The following DHX35 variants were observed in gnomAD, a reference collection of about 807,000 sequenced individuals.
DHX35 encodes the protein probable ATP-dependent RNA helicase DHX35.
A neutral mutation model predicts 99.6 loss-of-function variants in DHX35; 84 were observed. The ratio of observed to expected loss-of-function variants is 0.84; its 90% CI spans 0.71 to 1.01. The LOEUF (loss-of-function observed/expected upper bound fraction) is 1.01, where lower values mean the gene tolerates loss of function less well. Ranked by LOEUF, DHX35 falls within the 50% of genes least tolerant of loss-of-function variation. DHX35 has a pLI of 0.00. For missense variants in DHX35, 852 were observed against 888.5 expected (o/e 0.96, Z 0.52); for synonymous variants, 331 against 316.2 (o/e 1.05, Z -0.50).
Position 39,001,745 on chromosome 20 carries a change from T to C in DHX35, c.658T>C (p.Phe220Leu). 2 of 1,608,820 alleles carry C rather than the reference T, an allele frequency of 1.2e-6. No individual in the cohort carries two copies. The highest frequency in any genetic ancestry group is 2.2e-5 in the East Asian group (1 of 44,858). The change falls in exon 9 of 22, where the codon TTT becomes CTT. Residue 220 changes from phenylalanine (F) to leucine (L), a missense_variant. Transcript: ENST00000252011. ...TLDADKFRDF[F>L]NQNETSDPAR... ...TTCTTTTTAGAAATTCCGGGATTTC[T>C]TTAATCAAAATGAAACCAGTGATCC...
At position 39,003,842 on chromosome 20, in the gene DHX35, T is replaced by C. The variant is rs1284119830; in HGVS notation, c.946T>C (p.Tyr316His). The change falls in exon 11 of 22, where the codon TAT becomes CAT. Residue 316 changes from tyrosine (Y) to histidine (H), a missense_variant. Coordinates refer to ENST00000252011, the MANE Select transcript of DHX35 (RefSeq NM_021931.4). ...GAGACACCTCCGAGTTCTCCCCATG[T>C]ATGCAGGACTGCCTTCCTTTGAGCA... The part of the protein sequence containing the change: ...MKRHLRVLPM[Y>H]AGLPSFEQMK... 2 of 1,614,238 alleles carry C rather than the reference T, an allele frequency of 1.2e-6. No homozygotes were observed. Among genetic ancestry groups the C allele is most frequent in the Non-Finnish European group, 1.7e-6 (2 of 1,180,052 alleles).
intron 6 of DHX35, 51 bp from the exon 7 acceptor site, chr20:38,992,305 T>C: frequency 7.3e-6 from 11 of 1,497,784 alleles, no homozygotes; most frequent in Non-Finnish European, 1.0e-5. Flanking sequence ...CTAGATGAGA[T>C]GATGTGTGGC....
At chr20:38,983,478 T>A (rs1377417740) in intron 3 of DHX35, among the ~76,000 whole-genome samples, 1 of 152,234 alleles carries the variant, frequency 6.6e-6, no homozygotes, top group Non-Finnish European at 1.5e-5. Flanking sequence ...AATTGCGCCT[T>A]AGTTCTTCTG....
At chr20:38,974,486 A>G (rs1318634524) in intron 3 of DHX35, among the ~76,000 whole-genome samples, 1 of 152,244 alleles carries the variant, frequency 6.6e-6, no homozygotes, top group Non-Finnish European at 1.5e-5. Context: ...GAACAGTGCT[A>G]GTATTAAATG....
chr20:39,032,647 T>C (rs1177324417), intron 20 of DHX35, among the ~76,000 whole-genome samples: 1 of 152,304 alleles, frequency 6.6e-6, no homozygotes, highest in East Asian at 1.9e-4. Context: ...GCTTTCAAAA[T>C]GTGGTCTCCA....
chr20:39,025,355 T>C lies in DHX35; in HGVS notation c.1797T>C (p.Ser599=). 1 of 1,613,334 alleles carries C rather than the reference T, an allele frequency of 6.2e-7. No individual in the cohort carries two copies. Among genetic ancestry groups the C allele is most frequent in the Admixed American group, 1.7e-5 (1 of 59,934 alleles). The change falls in exon 18 of 22, where the codon AGT becomes AGC. Residue 599 remains serine (S), a synonymous_variant. Transcript: ENST00000252011. ...AGTTTCAAGTGCCCAGGAAGTCTAG[T>C]GAAGGTGAGAAGAAACCGTCCCAGC... ...LVKFQVPRKS[S]EGDPDLVLRC...
chr20:39,008,554 G>A (rs982250163), intron 12 of DHX35, among the ~76,000 whole-genome samples: 1 of 152,200 alleles, frequency 6.6e-6, no homozygotes, highest in Admixed American at 6.5e-5. Context: ...TGGAAGTGGG[G>A]TTGGGGAGGG....
intron 3 of DHX35, among the ~76,000 whole-genome samples, chr20:38,977,134 G>T (rs984491958): frequency 6.6e-6 from 1 of 152,128 alleles, no homozygotes; most frequent in African/African-American, 2.4e-5. Flanking sequence ...TGCATCATAT[G>T]GTAGTTCTGT....
intron 1 of DHX35, among the ~76,000 whole-genome samples, chr20:38,963,703 A>G (rs962295357): frequency 1.3e-5 from 2 of 152,230 alleles, no homozygotes; most frequent in Non-Finnish European, 2.9e-5. Context: ...TAAGAGTTCT[A>G]TTTCATTATT....
chr20:38,994,728 A>G (rs2086399579), intron 7 of DHX35, 93 bp from the exon 8 acceptor site: 1 of 1,023,592 alleles, frequency 9.8e-7, no homozygotes, highest in Non-Finnish European at 1.4e-6. Flanking sequence ...AAAAAAAAAG[A>G]CACTGAATTT....
chr20:39,011,490 C>G (rs1409819620), intron 13 of DHX35, among the ~76,000 whole-genome samples: 1 of 152,116 alleles, frequency 6.6e-6, no homozygotes, highest in Non-Finnish European at 1.5e-5. Flanking sequence ...TGTGTGCCAC[C>G]ACGCCTGGCT....
At chr20:38,989,671 A>G (rs758661286) in intron 5 of DHX35, among the ~76,000 whole-genome samples, 27 of 152,212 alleles carry the variant, frequency 1.8e-4, no homozygotes, top group Non-Finnish European at 4.4e-5. Flanking sequence ...ATAGAGTAGT[A>G]TAAGTTGATG....
intron 5 of DHX35, among the ~76,000 whole-genome samples, chr20:38,990,386 G>A (rs184415950): frequency 1.3e-5 from 2 of 152,300 alleles, no homozygotes; most frequent in African/African-American, 4.8e-5. Context: ...ACGTTAAGAA[G>A]GCTGTTACTG....
intron 2 of DHX35, among the ~76,000 whole-genome samples, chr20:38,970,239 G>A (rs2085974098): frequency 6.6e-6 from 1 of 152,188 alleles, no homozygotes; most frequent in Non-Finnish European, 1.5e-5. Flanking sequence ...TTATACTCAT[G>A]GAGTTCTTTT....
At chr20:38,977,438 T>A (rs2086098655) in intron 3 of DHX35, among the ~76,000 whole-genome samples, 2 of 152,216 alleles carry the variant, frequency 1.3e-5, no homozygotes, top group African/African-American at 4.8e-5. Flanking sequence ...ATCTTTTTTT[T>A]AACTTTATTA....
At chr20:39,026,053 C>T (rs560482199) in intron 18 of DHX35, among the ~76,000 whole-genome samples, 5 of 152,258 alleles carry the variant, frequency 3.3e-5, no homozygotes, top group Admixed American at 1.3e-4. Context: ...CAGAAGTCTA[C>T]GCTTTTAAGG....
intron 4 of DHX35, among the ~76,000 whole-genome samples, chr20:38,985,374 CAAAAAAAAAAAAA>C (rs58084339): frequency 1.2e-4 from 9 of 73,966 alleles, no homozygotes; most frequent in South Asian, 5.0e-4. Context: ...ACCCTATCTC[CAAAAAAAAAAAAA>C]AAAAAAAAGG....
chr20:39,015,795 T>C (rs2086775769), intron 14 of DHX35, among the ~76,000 whole-genome samples: 1 of 152,184 alleles, frequency 6.6e-6, no homozygotes, highest in South Asian at 2.1e-4. Flanking sequence ...TTGTAGAGCA[T>C]ATTCATCACC....
intron 6 of DHX35, 98 bp downstream of exon 6, chr20:38,991,613 C>T: frequency 9.7e-7 from 1 of 1,032,876 alleles, no homozygotes; most frequent in Non-Finnish European, 1.4e-6. Flanking sequence ...CGTCTGTGTT[C>T]AGCTGCCCCA....
Sources: allele counts gnomAD v4.1 joint callset (sites outside exome capture counted in the v4.1 genomes callset), GRCh38; gene constraint gnomAD v4.1.1; transcripts MANE v1.5; gene names NCBI Gene and HGNC (gene_info 2026-07-23, HGNC 2026-07-21).